LMBR1: variants seen among roughly 807,000 people sequenced by gnomAD.
The protein encoded by LMBR1 is limb development membrane protein 1.
A neutral mutation model predicts 73.9 loss-of-function variants in LMBR1; 52 were observed. The observed-to-expected ratio is 0.70, with a 90% CI of 0.56 to 0.89. The LOEUF (loss-of-function observed/expected upper bound fraction) is 0.89. LMBR1 is among the 40% of genes least tolerant of loss of function. The pLI is 0.00. For synonymous variants in LMBR1, 215 were observed against 209.4 expected, an observed-to-expected ratio of 1.03 and a Z score of -0.23; for missense variants, 539 against 579.8, an observed-to-expected ratio of 0.93 and a Z score of 0.72.
intron 15 of LMBR1, among the ~76,000 whole-genome samples, chr7:156,699,120 G>C (rs541163656): frequency 6.6e-6 from 1 of 152,112 alleles, no homozygotes; most frequent in African/African-American, 2.4e-5. Context: ...TAGGGCAGGG[G>C]CAAAATGCCA....
intron 5 of LMBR1, among the ~76,000 whole-genome samples, chr7:156,770,916 A>G (rs1214165437): frequency 6.6e-6 from 1 of 152,202 alleles, no homozygotes; most frequent in African/African-American, 2.4e-5. Flanking sequence ...CCTGTCTCAG[A>G]AACAAATAAA....
intron 15 of LMBR1, among the ~76,000 whole-genome samples, chr7:156,688,590 C>T (rs925487969): frequency 1.3e-5 from 2 of 151,930 alleles, no homozygotes; most frequent in African/African-American, 4.8e-5. Context: ...GAAAAAGATG[C>T]CTGAGAACAT....
chr7:156,806,338 T>C (rs7777738), intron 4 of LMBR1, among the ~76,000 whole-genome samples: 10,344 of 152,286 alleles, frequency 0.068, 447 homozygotes, highest in African/African-American at 0.11. Flanking sequence ...CCTGCAGCCT[T>C]GAAGAATTTA....
intron 8 of LMBR1, among the ~76,000 whole-genome samples, chr7:156,757,521 A>C (rs556875505): frequency 6.6e-6 from 1 of 152,368 alleles, no homozygotes; most frequent in South Asian, 2.1e-4. Context: ...AAATTGATTT[A>C]ATTCTAGTTT....
At chr7:156,740,919 CCAAT>C (rs1818768599) in intron 9 of LMBR1, among the ~76,000 whole-genome samples, 1 of 152,042 alleles carries the variant, frequency 6.6e-6, no homozygotes, top group South Asian at 2.1e-4. Context: ...AAATGACGAA[CCAAT>C]CAAAAATAAT....
intron 8 of LMBR1, among the ~76,000 whole-genome samples, chr7:156,756,935 A>G (rs1406828678): frequency 6.6e-6 from 1 of 151,664 alleles, no homozygotes; most frequent in Non-Finnish European, 1.5e-5. Context: ...TCCCACCTCA[A>G]CCTCCCTAGT....
At chr7:156,774,613 T>C (rs1355593786) in intron 5 of LMBR1, among the ~76,000 whole-genome samples, 3 of 151,714 alleles carry the variant, frequency 2.0e-5, no homozygotes, top group Admixed American at 6.6e-5. Flanking sequence ...GGGCAGATCA[T>C]CTGAGGTCAG....
At chr7:156,702,337 T>C (rs1271916611) in intron 15 of LMBR1, among the ~76,000 whole-genome samples, 6 of 152,258 alleles carry the variant, frequency 3.9e-5, no homozygotes, top group Admixed American at 3.9e-4. Context: ...TGATATGGTA[T>C]CTCATTGTGG....
intron 9 of LMBR1, among the ~76,000 whole-genome samples, chr7:156,750,554 G>A (rs1820689502): frequency 6.6e-6 from 1 of 152,096 alleles, no homozygotes; most frequent in Non-Finnish European, 1.5e-5. Flanking sequence ...TCCACTATGG[G>A]CCTTCCTAAG....
chr7:156,887,546 C>A (rs1802134043), intron 1 of LMBR1, among the ~76,000 whole-genome samples: 1 of 150,824 alleles, frequency 6.6e-6, no homozygotes, highest in African/African-American at 2.4e-5. Flanking sequence ...AACCTAAGAG[C>A]TAAAACTATA....
At chr7:156,850,233 C>T (rs990226775) in intron 1 of LMBR1, among the ~76,000 whole-genome samples, 3 of 152,256 alleles carry the variant, frequency 2.0e-5, no homozygotes, top group African/African-American at 7.2e-5. Flanking sequence ...CCTTCTTGCC[C>T]TTCTGCCTTC....
chr7:156,713,935 T>C (rs1462165570), intron 15 of LMBR1, among the ~76,000 whole-genome samples: 2 of 152,226 alleles, frequency 1.3e-5, no homozygotes, highest in Non-Finnish European at 2.9e-5. Context: ...TAAAGAATTT[T>C]TGAGTCCCTA....
At chr7:156,800,498 AAAG>A (rs1430684578) in intron 4 of LMBR1, among the ~76,000 whole-genome samples, 1 of 151,738 alleles carries the variant, frequency 6.6e-6, no homozygotes, top group Non-Finnish European at 1.5e-5. Context: ...AAAAAAAAAA[AAAG>A]ATTTTCAAAA....
At chr7:156,694,909 A>T (rs1807969165) in intron 15 of LMBR1, among the ~76,000 whole-genome samples, 1 of 152,272 alleles carries the variant, frequency 6.6e-6, no homozygotes, top group African/African-American at 2.4e-5. Context: ...TCACTAAAGA[A>T]GACCTAAACA....
Position 156,724,133 on chromosome 7 carries a change from G to A in LMBR1, c.1204C>T (p.Pro402Ser). The change falls in exon 15 of 17, where the codon CCT becomes TCT. Residue 402 changes from proline (P) to serine (S), a missense_variant. Pro to Ser is a moderately conservative substitution (Grantham distance 74). Around this residue, in one of 3 missense-constraint regions of LMBR1, gnomAD observed 16 missense variants for 37.9 expected, o/e 0.42. Coordinates refer to ENST00000353442, the MANE Select transcript of LMBR1 (RefSeq NM_022458.4). ...TTACCCAGTGTTCTCGACATCACAGGCAGAGCAGAGCTCAAAACCAAGATG... is the reference window on the plus strand; with the variant it reads ...TTACCCAGTGTTCTCGACATCACAGACAGAGCAGAGCTCAAAACCAAGATG... Reference protein sequence around the residue: ...VSILVLSSALPVMSRTLGITR... With the variant: ...VSILVLSSALSVMSRTLGITR... 1 of 1,609,940 alleles carries A rather than the reference G, an allele frequency of 6.2e-7. No individual in the cohort carries two copies.
intron 1 of LMBR1, among the ~76,000 whole-genome samples, chr7:156,886,951 A>G (rs1172778852): frequency 6.6e-6 from 1 of 152,134 alleles, no homozygotes; most frequent in African/African-American, 2.4e-5. Context: ...CTGGTTGGGA[A>G]TTCAGTTTTT....
At chr7:156,797,056 T>C (rs1028035233) in intron 4 of LMBR1, among the ~76,000 whole-genome samples, 1 of 152,188 alleles carries the variant, frequency 6.6e-6, no homozygotes, top group Admixed American at 6.5e-5. Context: ...GAGCAGGCTA[T>C]GCAACTTGCC....
chr7:156,827,525 T>C (rs2133828652), intron 3 of LMBR1, among the ~76,000 whole-genome samples: 1 of 152,266 alleles, frequency 6.6e-6, no homozygotes, highest in South Asian at 2.1e-4. Context: ...GCTTTCACCT[T>C]CTCAGTTACA....
chr7:156,865,020 C>T (rs1798260780), intron 1 of LMBR1, among the ~76,000 whole-genome samples: 1 of 150,738 alleles, frequency 6.6e-6, no homozygotes, highest in Non-Finnish European at 1.5e-5. Flanking sequence ...AAAGCAATTC[C>T]CTTTCAGCCA....
Sources: gnomAD v4.1 joint callset for allele counts (sites outside exome capture counted in the v4.1 genomes callset) on GRCh38, gnomAD v4.1.1 for gene constraint, gnomAD v4.1.1 regional missense constraint, MANE v1.5 for transcripts, NCBI Gene and HGNC (gene_info 2026-07-23, HGNC 2026-07-21) for gene names.